The following PLAGL1 variants were observed in gnomAD, a reference collection of about 807,000 sequenced individuals.
The protein encoded by PLAGL1 is zinc finger protein PLAGL1.
In PLAGL1, 1 loss-of-function variant was observed where a neutral mutation model predicts 4.6. That is an observed-to-expected ratio of 0.22 (90% CI 0.08 to 1.03). PLAGL1 has a LOEUF of 1.03. Ranked by LOEUF, PLAGL1 falls within the 50% of genes least tolerant of loss-of-function variation. PLAGL1 has a pLI of 0.58. For synonymous variants in PLAGL1, 240 were observed against 237.8 expected (o/e 1.01, Z -0.08); for missense variants, 464 against 570.4 (o/e 0.81, Z 1.90).
In PLAGL1 at chr6:144,039,459, G is replaced by T. The variant is rs548312635; in HGVS notation, c.-151+25009C>A. On this transcript the variant is annotated intron_variant, in intron 1 of 3. Coordinates refer to the PLAGL1 transcript ENST00000437412. The surrounding 1 kb of genome is among the most constrained non-coding windows in gnomAD (Gnocchi z 4.1). ...AAATTAGCTGGGCATGTTGGCACATGCTTGTAATCCCAGCTACTCAAGAGG... is the reference window on the plus strand; with the variant it reads ...AAATTAGCTGGGCATGTTGGCACATTCTTGTAATCCCAGCTACTCAAGAGG... Among the ~76,000 whole-genome samples the T allele has an allele frequency of 1.3e-5, 2 of 152,238 alleles. No individual in the cohort carries two copies. The highest frequency in any genetic ancestry group is 4.8e-5 in the African/African-American group (2 of 41,546).
rs1225312322 is a variant in PLAGL1 at position 144,063,717 on chromosome 6, A to G, written c.-151+751T>C. ...TGAACACTCGGGAAGCCCCAGGGGT[A>G]TCTCTGTCCTCGACACAGCAGGGGC... On this transcript the variant is annotated intron_variant, in intron 1 of 3. Coordinates refer to the PLAGL1 transcript ENST00000437412. This position sits in a 1 kb window ranked among gnomAD's most constrained non-coding sequence, Gnocchi z 5.7. 1.3e-5 allele frequency among the ~76,000 whole-genome samples: 2 copies of G among 152,148 alleles called. No homozygotes were observed. The highest frequency in any genetic ancestry group is 2.9e-5 in the Non-Finnish European group (2 of 67,996).
Position 144,004,932 on chromosome 6 carries a change from T to A in PLAGL1, c.-584+3158A>T, listed in dbSNP as rs1793825369. ...ACATAAACCTTAGAGACAGGAGATTTTATTCATATATATATATACATTTAT... is the reference window on the plus strand; with the variant it reads ...ACATAAACCTTAGAGACAGGAGATTATATTCATATATATATATACATTTAT... On this transcript the variant is annotated intron_variant, in intron 1 of 7. Coordinates refer to ENST00000674357, the MANE Select transcript of PLAGL1 (RefSeq NM_001317162.2). The surrounding 1 kb of genome is among the most constrained non-coding windows in gnomAD (Gnocchi z 4.2). 7.2e-6 allele frequency: 1 copy of A among 138,628 alleles called. No homozygotes were observed. The highest frequency in any genetic ancestry group is 1.6e-5 in the Non-Finnish European group (1 of 63,568). The allele number at this position is 138,628 out of a possible 1,614,324, so 8.6% of individuals were successfully genotyped here.
At chr6:144,024,808 A>G (rs1241445926) in intron 1 of PLAGL1, among the ~76,000 whole-genome samples, 1 of 152,220 alleles carries the variant, frequency 6.6e-6, no homozygotes, top group Admixed American at 6.5e-5. Context: ...CAAATAATTC[A>G]TGTAGTATTG....
rs183424695 is a variant in PLAGL1, at chr6:143,962,057, C to T, written c.-398-1515G>A. ...TAAGCTGTTCAATGTAAGCAGCACTCGTGAAAGAGGAGAACTCTGGCAGGG... is the reference window on the plus strand; with the variant it reads ...TAAGCTGTTCAATGTAAGCAGCACTTGTGAAAGAGGAGAACTCTGGCAGGG... On this transcript the variant is annotated intron_variant, in intron 5 of 7. Coordinates refer to ENST00000674357, the MANE Select transcript of PLAGL1 (RefSeq NM_001317162.2). The surrounding 1 kb of genome is among the most constrained non-coding windows in gnomAD (Gnocchi z 5.3). Among the ~76,000 whole-genome samples, 78 of 152,292 alleles carry T rather than the reference C, an allele frequency of 5.1e-4. No individual in the cohort carries two copies. The highest frequency in any genetic ancestry group is 1.8e-3 in the African/African-American group (74 of 41,538).
In PLAGL1 at chr6:143,957,717, G is replaced by A. The variant is rs1782448970; in HGVS notation, c.-325+2752C>T. ...ACCATGGGATGCCTGGTTTGTGAGT[G>A]AAAATCACCGGAATGACCTTGAAGG... is the stretch of plus-strand genomic sequence containing the variant. On this transcript the variant is annotated intron_variant, in intron 6 of 7. Coordinates refer to ENST00000674357, the MANE Select transcript of PLAGL1 (RefSeq NM_001317162.2). This position sits in a 1 kb window ranked among gnomAD's most constrained non-coding sequence, Gnocchi z 4.2. Among the ~76,000 whole-genome samples, 2 of 152,204 alleles carry A rather than the reference G, an allele frequency of 1.3e-5. No individual in the cohort carries two copies. The highest frequency in any genetic ancestry group is 4.1e-4 in the South Asian group (2 of 4,820).
intron 1 of PLAGL1, among the ~76,000 whole-genome samples, chr6:144,025,712 A>C (rs1796289859): frequency 6.6e-6 from 1 of 152,078 alleles, no homozygotes; most frequent in African/African-American, 2.4e-5. Context: ...CAATATGGTG[A>C]AACCTTGTCT....
At position 143,993,246 on chromosome 6, in the gene PLAGL1, G is replaced by C. The variant is rs918981359; in HGVS notation, c.-583-8072C>G. On this transcript the variant is annotated intron_variant, in intron 1 of 7. Coordinates refer to ENST00000674357, the MANE Select transcript of PLAGL1 (RefSeq NM_001317162.2). The stretch of plus-strand genomic sequence containing the variant: ...TTGGACCAGGGAGGCAGAGTTTGCA[G>C]TGAGCCAAGATCGCGCCACTGCACT... Among the ~76,000 whole-genome samples the C allele has an allele frequency of 2.0e-5, 3 of 151,732 alleles. No individual in the cohort carries two copies. In the South Asian group the frequency reaches 6.2e-4, roughly 32 times the overall value.
At chr6:144,014,852 T>C (rs1304892290) in intron 1 of PLAGL1, among the ~76,000 whole-genome samples, 7 of 152,178 alleles carry the variant, frequency 4.6e-5, no homozygotes, top group Non-Finnish European at 8.8e-5. Flanking sequence ...GGTGCTGAGA[T>C]TACAGGTGTG....
In PLAGL1 at chr6:144,055,502, G is replaced by A. The variant is rs1187543637; in HGVS notation, c.-151+8966C>T. On this transcript the variant is annotated intron_variant, in intron 1 of 3. Transcript: ENST00000437412. The surrounding 1 kb of genome is among the most constrained non-coding windows in gnomAD (Gnocchi z 5.0). ...AATCTAGCTTCTTGTTGCCCTGGGT[G>A]CCTCTATCGTAGGACCCCCAACTAC... 6.6e-6 allele frequency among the ~76,000 whole-genome samples: 1 copy of A among 152,144 alleles called. No individual in the cohort carries two copies. Among genetic ancestry groups the A allele is most frequent in the Non-Finnish European group, 1.5e-5 (1 of 68,026 alleles).
In PLAGL1 at chr6:143,973,532, T is replaced by G. The variant is rs1785823612; in HGVS notation, c.-543-4554A>C. On this transcript the variant is annotated intron_variant, in intron 2 of 7. Transcript: ENST00000674357. This position sits in a 1 kb window ranked among gnomAD's most constrained non-coding sequence, Gnocchi z 6.2. ...GCTGAGCTTCAATGGCCCCCTGACA[T>G]TCCATAAATAAACTTCTCCCTCTCA... Among the ~76,000 whole-genome samples the G allele has an allele frequency of 6.6e-6, 1 of 152,140 alleles. No individual in the cohort carries two copies. Among genetic ancestry groups the G allele is most frequent in the Non-Finnish European group, 1.5e-5 (1 of 68,012 alleles).
At chr6:144,019,560 A>G (rs1367121046) in intron 1 of PLAGL1, among the ~76,000 whole-genome samples, 1 of 152,156 alleles carries the variant, frequency 6.6e-6, no homozygotes, top group Non-Finnish European at 1.5e-5. Context: ...CTAATGTTAA[A>G]TTTCCTGAGT....
rs1781471065 is a variant in PLAGL1 at position 143,953,441 on chromosome 6, T to C, written c.-324-4981A>G. Among the ~76,000 whole-genome samples the C allele has an allele frequency of 6.6e-6, 1 of 152,246 alleles. No homozygotes were observed. Among genetic ancestry groups the C allele is most frequent in the Admixed American group, 6.5e-5 (1 of 15,278 alleles). On this transcript the variant is annotated intron_variant, in intron 6 of 7. Coordinates refer to ENST00000674357, the MANE Select transcript of PLAGL1 (RefSeq NM_001317162.2). This position sits in a 1 kb window ranked among gnomAD's most constrained non-coding sequence, Gnocchi z 5.3. ...AGAAAGACAAAGTGAATTATTTCTC[T>C]AATATTCAGGGAAAAAATTGAGAAA... is the stretch of plus-strand genomic sequence containing the variant.
rs1780783435 is a variant in PLAGL1, at chr6:143,950,352, C to T, written c.-324-1892G>A. Among the ~76,000 whole-genome samples the T allele has an allele frequency of 6.6e-6, 1 of 152,164 alleles. No homozygotes were observed. ...CCAGTATTCTAGTTCATGCCTGAGG[C>T]CCTATCTTGAGGAATCCTCAACAGC... On this transcript the variant is annotated intron_variant, in intron 6 of 7. Coordinates refer to ENST00000674357, the MANE Select transcript of PLAGL1 (RefSeq NM_001317162.2). This position sits in a 1 kb window ranked among gnomAD's most constrained non-coding sequence, Gnocchi z 6.3.
At chr6:143,956,921 C>T (rs12200480) in intron 6 of PLAGL1, among the ~76,000 whole-genome samples, 2 of 152,246 alleles carry the variant, frequency 1.3e-5, no homozygotes, top group Non-Finnish European at 2.9e-5. Context: ...TCTCACAGGT[C>T]TGGGGCCCCT....
chr6:143,943,223 C>T (rs1431282163), intron 7 of PLAGL1, among the ~76,000 whole-genome samples: 1 of 151,676 alleles, frequency 6.6e-6, no homozygotes, highest in Admixed American at 6.6e-5. Context: ...ACAAAGTATG[C>T]AAGTACTTAA....
At chr6:144,031,838 T>G (rs988254707) in intron 1 of PLAGL1, among the ~76,000 whole-genome samples, 4 of 152,142 alleles carry the variant, frequency 2.6e-5, no homozygotes, top group Non-Finnish European at 4.4e-5. Context: ...TGCAGGCTCT[T>G]TTTTGGTTCC....
At position 144,000,804 on chromosome 6, in the gene PLAGL1, C is replaced by T. The variant is rs1227949747; in HGVS notation, c.-584+7286G>A. Among the ~76,000 whole-genome samples the T allele has an allele frequency of 6.6e-6, 1 of 152,066 alleles. No homozygotes were observed. Among genetic ancestry groups the T allele is most frequent in the Non-Finnish European group, 1.5e-5 (1 of 67,950 alleles). ...ATATGGAGAGCTAGACATTCTAAAACAAACCTTTTAATACTTGCAAAGTTC... is the reference window on the plus strand; with the variant it reads ...ATATGGAGAGCTAGACATTCTAAAATAAACCTTTTAATACTTGCAAAGTTC... On this transcript the variant is annotated intron_variant, in intron 1 of 7. Coordinates refer to ENST00000674357, the MANE Select transcript of PLAGL1 (RefSeq NM_001317162.2). This position sits in a 1 kb window ranked among gnomAD's most constrained non-coding sequence, Gnocchi z 4.1.
intron 1 of PLAGL1, among the ~76,000 whole-genome samples, chr6:144,045,662 T>G (rs1461095183): frequency 6.6e-6 from 1 of 152,174 alleles, no homozygotes. Flanking sequence ...GACAGTTATG[T>G]GTCTTGGGGT....
Position 143,979,390 on chromosome 6 carries a change from GTTAT to G in PLAGL1, c.-544+5741_-544+5744del, listed in dbSNP as rs1166897120. ...TGATTAGGCTGAAATGTACGATCTT[GTTAT>G]TTGTTGTCTAATTGCCTCAATTATT... is the stretch of plus-strand genomic sequence containing the variant. On this transcript the variant is annotated intron_variant, in intron 2 of 7. Transcript: ENST00000674357. This position sits in a 1 kb window ranked among gnomAD's most constrained non-coding sequence, Gnocchi z 4.6. Among the ~76,000 whole-genome samples, 2 of 152,034 alleles carry G rather than the reference GTTAT, an allele frequency of 1.3e-5. No individual in the cohort carries two copies. Among genetic ancestry groups the G allele is most frequent in the African/African-American group, 4.8e-5 (2 of 41,442 alleles).
Sources: allele counts gnomAD v4.1 joint callset (sites outside exome capture counted in the v4.1 genomes callset), GRCh38; gene constraint gnomAD v4.1.1; non-coding constraint Gnocchi (gnomAD v3.1); transcripts MANE v1.5; gene names NCBI Gene and HGNC (gene_info 2026-07-23, HGNC 2026-07-21).